The following CTNND2 variants were observed in gnomAD, a reference collection of about 807,000 sequenced individuals.
CTNND2 encodes catenin delta-2.
Under a neutral mutation model 144.4 loss-of-function variants are expected in CTNND2, and 22 were observed. The observed-to-expected ratio is 0.15, with a 90% confidence interval of 0.11 to 0.22. The LOEUF (loss-of-function observed/expected upper bound fraction) is 0.22. Ranked by LOEUF, CTNND2 falls within the 10% of genes least tolerant of loss-of-function variation. CTNND2 has a pLI of 1.00. For synonymous variants in CTNND2, 751 were observed against 695.6 expected (o/e 1.08, Z -1.25); for missense variants, 1,353 against 1,618.8 (o/e 0.84, Z 2.82).
intron 16 of CTNND2, among the ~76,000 whole-genome samples, chr5:11,024,286 A>C (rs1742592453): frequency 6.6e-6 from 1 of 152,158 alleles, no homozygotes; most frequent in Non-Finnish European, 1.5e-5. Flanking sequence ...TAAATTACTG[A>C]AATAGAAAAG....
intron 11 of CTNND2, among the ~76,000 whole-genome samples, chr5:11,185,848 T>C (rs1735572786): frequency 6.6e-6 from 1 of 152,246 alleles, no homozygotes; most frequent in Non-Finnish European, 1.5e-5. Context: ...TATGTTGTGT[T>C]CGTTAACACT....
At chr5:11,050,531 A>G (rs1181675638) in intron 16 of CTNND2, among the ~76,000 whole-genome samples, 1 of 152,214 alleles carries the variant, frequency 6.6e-6, no homozygotes, top group African/African-American at 2.4e-5. Flanking sequence ...TTGGAACCAG[A>G]GCTCTATTAC....
chr5:11,106,253 C>T (rs1211258480), intron 14 of CTNND2, among the ~76,000 whole-genome samples: 1 of 152,206 alleles, frequency 6.6e-6, no homozygotes, highest in African/African-American at 2.4e-5. Context: ...GATTTAACTA[C>T]ACAGATGTTC....
chr5:11,272,577 A>G (rs1746132678), intron 9 of CTNND2, among the ~76,000 whole-genome samples: 1 of 152,112 alleles, frequency 6.6e-6, no homozygotes, highest in Admixed American at 6.6e-5. Context: ...AATCCCCTAA[A>G]TACTGGTGAA....
At chr5:11,328,779 C>T (rs1752792290) in intron 9 of CTNND2, among the ~76,000 whole-genome samples, 1 of 152,170 alleles carries the variant, frequency 6.6e-6, no homozygotes, top group Non-Finnish European at 1.5e-5. Flanking sequence ...ATGGGAATTC[C>T]CACTGACCCA....
chr5:11,207,701 T>C (rs1738197182), intron 10 of CTNND2, among the ~76,000 whole-genome samples: 1 of 152,202 alleles, frequency 6.6e-6, no homozygotes, highest in Admixed American at 6.5e-5. Flanking sequence ...GCCTTTGTTA[T>C]TGGCTTTAGC....
At chr5:11,743,354 A>G (rs540665727) in intron 1 of CTNND2, among the ~76,000 whole-genome samples, 1 of 152,302 alleles carries the variant, frequency 6.6e-6, no homozygotes, top group South Asian at 2.1e-4. Context: ...GCTGCTTTTC[A>G]GTAAAAGCAG....
intron 3 of CTNND2, among the ~76,000 whole-genome samples, chr5:11,538,177 C>T (rs938793295): frequency 1.3e-5 from 2 of 152,128 alleles, no homozygotes; most frequent in African/African-American, 2.4e-5. Context: ...AGAATAGCCT[C>T]GAAGTCTACA....
rs548576552 is a variant in CTNND2, at chr5:11,089,759, G to A, written c.2638-6913C>T. The stretch of plus-strand genomic sequence containing the variant: ...GCACAGTGGCTCACGCCTGTAATCC[G>A]AGCACTTTCGGAGGCCAAGGAGGGC... On this transcript the variant is annotated intron_variant, in intron 15 of 21. Coordinates refer to ENST00000304623, the MANE Select transcript of CTNND2 (RefSeq NM_001332.4). 6.6e-5 allele frequency among the ~76,000 whole-genome samples: 10 copies of A among 152,246 alleles called. No homozygotes were observed. In the East Asian group the frequency reaches 1.2e-3, roughly 18 times the overall value.
chr5:11,246,484 C>T (rs764096567), intron 9 of CTNND2, among the ~76,000 whole-genome samples: 23 of 151,852 alleles, frequency 1.5e-4, no homozygotes, highest in African/African-American at 4.6e-4. Context: ...CCAGGGACAC[C>T]GAGGATTCCG....
intron 3 of CTNND2, among the ~76,000 whole-genome samples, chr5:11,507,426 C>T (rs528223044): frequency 1.3e-5 from 2 of 152,268 alleles, no homozygotes; most frequent in African/African-American, 4.8e-5. Flanking sequence ...GTAAATGCCC[C>T]TCCTCCATCA....
intron 9 of CTNND2, among the ~76,000 whole-genome samples, chr5:11,324,588 A>G (rs1752348059): frequency 6.6e-6 from 1 of 152,186 alleles, no homozygotes; most frequent in Non-Finnish European, 1.5e-5. Context: ...TTTGTCTAAT[A>G]ATAACGATGA....
At chr5:11,799,190 T>A (rs1311475366) in intron 1 of CTNND2, among the ~76,000 whole-genome samples, 3 of 152,234 alleles carry the variant, frequency 2.0e-5, no homozygotes, top group Admixed American at 2.0e-4. Flanking sequence ...TTCATCGTTT[T>A]AAAACCTTTC....
intron 2 of CTNND2, among the ~76,000 whole-genome samples, chr5:11,706,626 C>G (rs1785707865): frequency 6.6e-6 from 1 of 152,184 alleles, no homozygotes; most frequent in African/African-American, 2.4e-5. Flanking sequence ...ATAGGATTGT[C>G]TACAGTTATG....
intron 1 of CTNND2, among the ~76,000 whole-genome samples, chr5:11,807,271 G>T (rs932599444): frequency 6.6e-6 from 1 of 151,974 alleles, no homozygotes; most frequent in African/African-American, 2.4e-5. Context: ...CTAAATATTA[G>T]ACTTATATAA....
intron 8 of CTNND2, among the ~76,000 whole-genome samples, chr5:11,351,114 A>G (rs985848616): frequency 6.6e-5 from 10 of 152,346 alleles, no homozygotes; most frequent in African/African-American, 1.7e-4. Context: ...CAGTCACACT[A>G]TTAAAAGACT....
chr5:11,150,263 GC>G (rs1375847004), intron 12 of CTNND2, among the ~76,000 whole-genome samples: 1 of 151,954 alleles, frequency 6.6e-6, no homozygotes, highest in Non-Finnish European at 1.5e-5. Flanking sequence ...AGCCTCCACC[GC>G]CCCCGCCTAC....
intron 3 of CTNND2, among the ~76,000 whole-genome samples, chr5:11,473,495 T>C (rs993338925): frequency 5.3e-5 from 8 of 152,086 alleles, no homozygotes; most frequent in African/African-American, 1.9e-4. Flanking sequence ...TGCGGCAGCA[T>C]CATCAATGGT....
intron 12 of CTNND2, among the ~76,000 whole-genome samples, chr5:11,150,755 T>C (rs935488943): frequency 6.6e-5 from 10 of 151,598 alleles, no homozygotes; most frequent in African/African-American, 2.4e-4. Flanking sequence ...GACTCCTGAG[T>C]AGCTGGGATT....
Sources: gnomAD v4.1 joint callset for allele counts (sites outside exome capture counted in the v4.1 genomes callset) on GRCh38, gnomAD v4.1.1 for gene constraint, MANE v1.5 for transcripts, NCBI Gene and HGNC (gene_info 2026-07-23, HGNC 2026-07-21) for gene names.